The following SPECC1 variants were observed in gnomAD, a reference collection of about 807,000 sequenced individuals.
The protein encoded by SPECC1 is cytospin-B.
In SPECC1, 62 loss-of-function variants were observed where a neutral mutation model predicts 104.1. The observed-to-expected ratio is 0.60, with a 90% CI of 0.49 to 0.74. The LOEUF (loss-of-function observed/expected upper bound fraction) is 0.74, where lower values mean the gene tolerates loss of function less well. Ranked by LOEUF, SPECC1 falls within the 30% of genes least tolerant of loss-of-function variation. SPECC1 has a pLI of 0.00. For missense variants in SPECC1, 1,306 were observed against 1,310.5 expected, an observed-to-expected ratio of 1.00 and a Z score of 0.05; for synonymous variants, 513 against 501.6, an observed-to-expected ratio of 1.02 and a Z score of -0.30.
At chr17:20,037,196 A>G (rs2152449179) in intron 1 of SPECC1, among the ~76,000 whole-genome samples, 1 of 152,168 alleles carries the variant, frequency 6.6e-6, no homozygotes, top group South Asian at 2.1e-4. Context: ...TATTGCTTCT[A>G]CTTGCTAATA....
intron 1 of SPECC1, among the ~76,000 whole-genome samples, chr17:20,090,918 TACCCTATTCCTTATGGGTCTCCAGATTAC>T (rs1446333586): frequency 6.6e-6 from 1 of 152,202 alleles, no homozygotes; most frequent in Non-Finnish European, 1.5e-5. Context: ...CTCCATATTA[TACCCTATTCCTTATGGGTCTCCAGATTAC>T]ACCCTATTCT....
At chr17:20,132,768 C>T (rs1286097530) in intron 3 of SPECC1, among the ~76,000 whole-genome samples, 1 of 151,676 alleles carries the variant, frequency 6.6e-6, no homozygotes, top group Non-Finnish European at 1.5e-5. Flanking sequence ...GAGATGGAGT[C>T]TCGCTCTGTC....
At chr17:20,018,561 T>C (rs1384638155) in intron 1 of SPECC1, among the ~76,000 whole-genome samples, 2 of 152,200 alleles carry the variant, frequency 1.3e-5, no homozygotes, top group Non-Finnish European at 2.9e-5. Flanking sequence ...CAGTCCTTGG[T>C]CTTTTATAAT....
chr17:20,137,719 G>A (rs1412539234), intron 3 of SPECC1, among the ~76,000 whole-genome samples: 1 of 152,134 alleles, frequency 6.6e-6, no homozygotes. Flanking sequence ...AGGCTGGAGT[G>A]CAGTGGCACA....
intron 7 of SPECC1, 104 bp downstream of exon 7, chr17:20,232,509 T>C: frequency 7.6e-7 from 1 of 1,320,468 alleles, no homozygotes. Context: ...TTCTGCTATT[T>C]CCTTTCTGAG....
Position 20,118,167 on chromosome 17 carries a change from G to A in SPECC1, c.283+7605G>A, listed in dbSNP as rs113156234. ...AACAACAATTAGATATATAATTTCC[G>A]CTAATACATTAGCAAAAATTAAAAC... On this transcript the variant is annotated intron_variant, in intron 3 of 14. Transcript: ENST00000395527. Among the ~76,000 whole-genome samples, 59 of 151,870 alleles carry A rather than the reference G, an allele frequency of 3.9e-4. 1 individual carries two copies. Among genetic ancestry groups the A allele is most frequent in the African/African-American group, 1.1e-3 (45 of 41,368 alleles).
chr17:20,012,826 A>G lies in SPECC1; in HGVS notation c.-22+3402A>G, dbSNP rs536421903. Among the ~76,000 whole-genome samples the G allele has an allele frequency of 1.8e-4, 27 of 152,246 alleles. No homozygotes were observed. The South Asian group carries it at 5.4e-3, about 30-fold the overall frequency. The stretch of plus-strand genomic sequence containing the variant: ...TGCAACCAATCTCCAGAATTTTTTC[A>G]TCTTACAAAATTGAAGCTCTGTATC... On this transcript the variant is annotated intron_variant, in intron 1 of 14. Transcript: ENST00000395527.
intron 3 of SPECC1, among the ~76,000 whole-genome samples, chr17:20,117,727 G>A (rs571096846): frequency 3.1e-4 from 46 of 148,596 alleles, no homozygotes; most frequent in African/African-American, 8.1e-4. Context: ...AAAAAGAAAA[G>A]GAAAAATAAT....
At chr17:20,207,581 TAAA>T (rs2036868489) in intron 4 of SPECC1, among the ~76,000 whole-genome samples, 2 of 152,350 alleles carry the variant, frequency 1.3e-5, no homozygotes, top group South Asian at 4.1e-4. Flanking sequence ...TTTGACATCT[TAAA>T]AATAGCTTAT....
At position 20,314,518 on chromosome 17, in the gene SPECC1, TA is replaced by T. The variant is rs555831289; in HGVS notation, c.*455del. ...GGCTGGGTGTGGTAGCTCGTGGCTGTAATCCCAGCACTTTAGGAAGCCAAGG... is the reference window on the plus strand; with the variant it reads ...GGCTGGGTGTGGTAGCTCGTGGCTGTATCCCAGCACTTTAGGAAGCCAAGG... On this transcript the variant is annotated 3_prime_UTR_variant, in exon 15 of 15. Coordinates refer to ENST00000395527, the MANE Select transcript of SPECC1 (RefSeq NM_001243439.2). 1.6e-3 allele frequency: 457 copies of T among 294,386 alleles called. 2 individuals carry two copies. Among genetic ancestry groups the T allele is most frequent in the Middle Eastern group, 4.0e-3 (4 of 1,004 alleles). 18.2% of individuals were successfully genotyped at this position (294,386 alleles called of 1,614,324 possible). A position where few individuals can be genotyped will look rare whatever the true frequency, so the allele number is the denominator to read the frequency against.
At chr17:20,270,358 G>C (rs1171024347) in intron 12 of SPECC1, among the ~76,000 whole-genome samples, 1 of 141,704 alleles carries the variant, frequency 7.1e-6, no homozygotes, top group Admixed American at 7.5e-5. Context: ...ACACTTTGAG[G>C]GGCCAAGGCA....
chr17:20,174,137 G>A (rs1048518585), intron 3 of SPECC1, among the ~76,000 whole-genome samples: 3 of 151,858 alleles, frequency 2.0e-5, no homozygotes, highest in Admixed American at 1.3e-4. Context: ...CACCACGTTG[G>A]TCAGGCTGGT....
intron 5 of SPECC1, among the ~76,000 whole-genome samples, chr17:20,229,645 G>T (rs1054655229): frequency 5.3e-5 from 8 of 152,302 alleles, no homozygotes; most frequent in African/African-American, 1.7e-4. Context: ...CTGCACTCCA[G>T]CCTGGGCAAT....
chr17:20,275,168 A>AGG (rs1431702531), intron 12 of SPECC1, among the ~76,000 whole-genome samples: 1 of 152,138 alleles, frequency 6.6e-6, no homozygotes, highest in Admixed American at 6.5e-5. Context: ...ATTTACTAGT[A>AGG]GGGGAACATT....
chr17:20,203,618 G>T (rs1392732558), intron 3 of SPECC1, among the ~76,000 whole-genome samples: 1 of 152,136 alleles, frequency 6.6e-6, no homozygotes, highest in Non-Finnish European at 1.5e-5. Context: ...AGTATTATCT[G>T]TATCTTCTGA....
At chr17:20,199,998 G>T (rs980791329) in intron 3 of SPECC1, among the ~76,000 whole-genome samples, 2 of 152,070 alleles carry the variant, frequency 1.3e-5, no homozygotes, top group Non-Finnish European at 1.5e-5. Flanking sequence ...TCACCACGTT[G>T]GCCAGGATGG....
At chr17:20,290,368 G>T (rs1401486794) in intron 12 of SPECC1, 1 of 148,466 alleles carries the variant, frequency 6.7e-6, no homozygotes, top group Non-Finnish European at 1.5e-5. Context: ...TTTAAAGAGA[G>T]TCTCACTCTG....
At chr17:20,194,364 T>C (rs1287336035) in intron 3 of SPECC1, among the ~76,000 whole-genome samples, 1 of 152,084 alleles carries the variant, frequency 6.6e-6, no homozygotes, top group African/African-American at 2.4e-5. Flanking sequence ...GTAGACAAGG[T>C]GTGAGGCCAG....
Position 20,316,167 on chromosome 17 carries a change from AT to A in SPECC1, c.*2112del, listed in dbSNP as rs542238519. ...GCTGATTCAGGCACTTGTTTGAAGC[AT>A]TTTTTTTTTATTAACCCTGTACTTC... On this transcript the variant is annotated 3_prime_UTR_variant, in exon 15 of 15. Coordinates refer to ENST00000395527, the MANE Select transcript of SPECC1 (RefSeq NM_001243439.2). The A allele has an allele frequency of 3.0e-3, 646 of 211,828 alleles. No individual in the cohort carries two copies. The highest frequency in any genetic ancestry group is 7.3e-3 in the Middle Eastern group (5 of 682). 13.1% of individuals were successfully genotyped at this position (211,828 alleles called of 1,614,324 possible).
Sources: gnomAD v4.1 joint callset for allele counts (sites outside exome capture counted in the v4.1 genomes callset) on GRCh38, gnomAD v4.1.1 for gene constraint, MANE v1.5 for transcripts, NCBI Gene and HGNC (gene_info 2026-07-23, HGNC 2026-07-21) for gene names.